The following PRDM16 variants were observed in gnomAD, a reference collection of about 807,000 sequenced individuals.
The protein encoded by PRDM16 is PR/SET domain 16, also known as histone-lysine N-methyltransferase PRDM16.
PRDM16 carries 23 observed loss-of-function variants against 110.6 expected under a neutral mutation model. The ratio of observed to expected loss-of-function variants is 0.21; its 90% CI spans 0.15 to 0.29. The LOEUF is 0.29. Ranked by LOEUF, PRDM16 falls within the 10% of genes least tolerant of loss-of-function variation. The pLI is 1.00. For synonymous variants in PRDM16, 799 were observed against 781.8 expected (o/e 1.02, Z -0.37); for missense variants, 1,615 against 1,794.3 (o/e 0.90, Z 1.81).
chr1:3,190,755 C>T lies in PRDM16; in HGVS notation c.387+4281C>T, dbSNP rs1426252080. The stretch of plus-strand genomic sequence containing the variant: ...GCCCACCTGCCTGGAGGAAATCACC[C>T]GTGAGCGCATTTGCTCGCCGTGGGG... On this transcript the variant is annotated intron_variant, in intron 2 of 16. Coordinates refer to ENST00000270722, the MANE Select transcript of PRDM16 (RefSeq NM_022114.4). This position sits in a 1 kb window ranked among gnomAD's most constrained non-coding sequence, Gnocchi z 5.0. 4.6e-5 allele frequency among the ~76,000 whole-genome samples: 7 copies of T among 152,228 alleles called. No individual in the cohort carries two copies. Among genetic ancestry groups the T allele is most frequent in the East Asian group, 3.9e-4 (2 of 5,192 alleles).
At chr1:3,273,278 C>T (rs943539694) in intron 3 of PRDM16, among the ~76,000 whole-genome samples, 3 of 152,182 alleles carry the variant, frequency 2.0e-5, no homozygotes, top group Non-Finnish European at 4.4e-5. Context: ...ATCACCACCC[C>T]AGTGCCCAGA....
chr1:3,225,300 A>C (rs1639260641), intron 2 of PRDM16, among the ~76,000 whole-genome samples: 1 of 152,178 alleles, frequency 6.6e-6, no homozygotes, highest in Admixed American at 6.5e-5. Context: ...TAGCGGGAAA[A>C]GTGCCTGGCA....
At position 3,244,739 on chromosome 1, in the gene PRDM16, G is replaced by A. The variant is rs181029096; in HGVS notation, c.438+602G>A. ...CAGAGAAACACACAGGCCCTGGGGA[G>A]GCACACACATAGTCACATGTGTGCC... On this transcript the variant is annotated intron_variant, in intron 3 of 16. Transcript: ENST00000270722. This position sits in a 1 kb window ranked among gnomAD's most constrained non-coding sequence, Gnocchi z 4.1. Among the ~76,000 whole-genome samples, 2 of 152,232 alleles carry A rather than the reference G, an allele frequency of 1.3e-5. No homozygotes were observed. The highest frequency in any genetic ancestry group is 1.3e-4 in the Admixed American group (2 of 15,298).
chr1:3,082,504 T>G (rs2981886), intron 1 of PRDM16, among the ~76,000 whole-genome samples: 90,240 of 152,060 alleles, frequency 0.59, 27,512 homozygotes, highest in East Asian at 0.86. Context: ...GGCTGAATGG[T>G]GTTCAGAGAT....
At chr1:3,305,665 G>A (rs1029715446) in intron 3 of PRDM16, among the ~76,000 whole-genome samples, 14 of 152,370 alleles carry the variant, frequency 9.2e-5, no homozygotes, top group Admixed American at 2.0e-4. Context: ...GGCAGAAAGC[G>A]CCCCGTGGAA....
rs551784346 is a variant in PRDM16 at position 3,157,293 on chromosome 1, C to T, written c.38-28832C>T. ...TTCAATTTGAATTTCAGATACACAG[C>T]ACACAAGTACGTCCCAAACACAGCC... On this transcript the variant is annotated intron_variant, in intron 1 of 16. Coordinates refer to ENST00000270722, the MANE Select transcript of PRDM16 (RefSeq NM_022114.4). This position sits in a 1 kb window ranked among gnomAD's most constrained non-coding sequence, Gnocchi z 4.8. Among the ~76,000 whole-genome samples the T allele has an allele frequency of 7.9e-5, 12 of 152,260 alleles. No individual in the cohort carries two copies. Among genetic ancestry groups the T allele is most frequent in the Non-Finnish European group, 1.8e-4 (12 of 68,018 alleles).
At chr1:3,225,899 A>G (rs1639278882) in intron 2 of PRDM16, among the ~76,000 whole-genome samples, 1 of 152,218 alleles carries the variant, frequency 6.6e-6, no homozygotes, top group African/African-American at 2.4e-5. Flanking sequence ...GCATGCTCCA[A>G]TGCAAGGCCA....
chr1:3,284,378 G>C (rs1459962159), intron 3 of PRDM16, among the ~76,000 whole-genome samples: 1 of 152,198 alleles, frequency 6.6e-6, no homozygotes, highest in Non-Finnish European at 1.5e-5. Flanking sequence ...GGAGGGGGAG[G>C]GAGGAAGAGC....
intron 1 of PRDM16, among the ~76,000 whole-genome samples, chr1:3,094,146 G>A (rs1186376765): frequency 6.6e-6 from 1 of 152,194 alleles, no homozygotes; most frequent in Non-Finnish European, 1.5e-5. Context: ...GAGGCGGGCG[G>A]GGCACGCAGG....
chr1:3,274,517 C>T (rs1557574072), intron 3 of PRDM16, among the ~76,000 whole-genome samples: 1 of 152,218 alleles, frequency 6.6e-6, no homozygotes, highest in Non-Finnish European at 1.5e-5. Context: ...AGGGCCCCAG[C>T]GTGCAGTTCA....
At chr1:3,259,188 C>A (rs138666114) in intron 3 of PRDM16, among the ~76,000 whole-genome samples, 1 of 152,176 alleles carries the variant, frequency 6.6e-6, no homozygotes, top group Non-Finnish European at 1.5e-5. Context: ...TAGTTCACAC[C>A]GGCCCAAGGG....
intron 1 of PRDM16, among the ~76,000 whole-genome samples, chr1:3,145,020 T>A (rs1643619040): frequency 6.6e-6 from 1 of 152,192 alleles, no homozygotes; most frequent in African/African-American, 2.4e-5. Context: ...TCAGCCCCTC[T>A]GCCCACTCGT....
chr1:3,162,792 G>A (rs932569198), intron 1 of PRDM16, among the ~76,000 whole-genome samples: 3 of 152,342 alleles, frequency 2.0e-5, no homozygotes, highest in African/African-American at 4.8e-5. Context: ...AAGCCACACA[G>A]GCAGCCAGAG....
intron 3 of PRDM16, among the ~76,000 whole-genome samples, chr1:3,249,995 G>A (rs1391457185): frequency 6.6e-6 from 1 of 152,210 alleles, no homozygotes; most frequent in Non-Finnish European, 1.5e-5. Context: ...GCAGCAGAAA[G>A]TCGGAAAGCA....
intron 3 of PRDM16, among the ~76,000 whole-genome samples, chr1:3,376,099 G>C (rs1642985813): frequency 1.3e-5 from 2 of 152,142 alleles, no homozygotes; most frequent in African/African-American, 4.8e-5. Flanking sequence ...TGGTGTTTAG[G>C]GGGAGATGAT....
At chr1:3,130,386 C>G (rs952253697) in intron 1 of PRDM16, among the ~76,000 whole-genome samples, 1 of 152,192 alleles carries the variant, frequency 6.6e-6, no homozygotes, top group Admixed American at 6.5e-5. Context: ...AACACAACAC[C>G]AGCCCTGGGG....
chr1:3,310,558 C>T lies in PRDM16; in HGVS notation c.438+66421C>T, dbSNP rs146467289. ...TTGGGCTCCCCAGGGACACAGCATC[C>T]GTGCCTGGGGAGAGAATGTTTGACC... is the stretch of plus-strand genomic sequence containing the variant. On this transcript the variant is annotated intron_variant, in intron 3 of 16. Transcript: ENST00000270722. 8.8e-3 allele frequency among the ~76,000 whole-genome samples: 1,343 copies of T among 152,198 alleles called. 18 individuals carry two copies. Among genetic ancestry groups the T allele is most frequent in the African/African-American group, 0.03 (1,251 of 41,530 alleles).
chr1:3,249,270 G>A (rs1639869708), intron 3 of PRDM16, among the ~76,000 whole-genome samples: 2 of 152,180 alleles, frequency 1.3e-5, no homozygotes, highest in Admixed American at 6.5e-5. Context: ...AGAGATGGAG[G>A]GACCCTCAAA....
intron 3 of PRDM16, among the ~76,000 whole-genome samples, chr1:3,336,153 A>G (rs1642140946): frequency 6.6e-6 from 1 of 152,248 alleles, no homozygotes; most frequent in Non-Finnish European, 1.5e-5. Context: ...CCCTGCATTC[A>G]GGCTTACTGA....
Sources: gnomAD v4.1 joint callset for allele counts (sites outside exome capture counted in the v4.1 genomes callset) on GRCh38, gnomAD v4.1.1 for gene constraint, Gnocchi (gnomAD v3.1) non-coding constraint, MANE v1.5 for transcripts, NCBI Gene and HGNC (gene_info 2026-07-23, HGNC 2026-07-21) for gene names.